The following ZC3H18 variants were observed in gnomAD, a reference collection of about 807,000 sequenced individuals.
ZC3H18 encodes the protein zinc finger CCCH domain-containing protein 18.
A neutral mutation model predicts 106.1 loss-of-function variants in ZC3H18; 8 were observed. The ratio of observed to expected loss-of-function variants is 0.08; its 90% CI spans 0.04 to 0.14. The LOEUF is 0.14. ZC3H18 is among the 10% of genes least tolerant of loss of function. ZC3H18 has a pLI of 1.00. For synonymous variants in ZC3H18, 635 were observed against 522.1 expected (o/e 1.22, Z -2.95); for missense variants, 1,318 against 1,278.4 (o/e 1.03, Z -0.47).
chr16:88,603,977 C>T (rs915025837), intron 6 of ZC3H18, among the ~76,000 whole-genome samples: 18 of 152,028 alleles, frequency 1.2e-4, no homozygotes, highest in African/African-American at 3.1e-4. Context: ...GCTAGACAGA[C>T]GCACTCTGAT....
At chr16:88,616,897 C>A (rs1905642663) in intron 8 of ZC3H18, among the ~76,000 whole-genome samples, 1 of 152,130 alleles carries the variant, frequency 6.6e-6, no homozygotes, top group African/African-American at 2.4e-5. Context: ...GAAGCGCAGT[C>A]ACTTTTGTTT....
At chr16:88,614,839 C>A (rs1004832649) in intron 8 of ZC3H18, among the ~76,000 whole-genome samples, 3 of 152,248 alleles carry the variant, frequency 2.0e-5, no homozygotes, top group African/African-American at 7.2e-5. Context: ...CCTAAGGCTG[C>A]CTTCTCCCCT....
intron 3 of ZC3H18, among the ~76,000 whole-genome samples, chr16:88,595,042 T>A (rs1044444926): frequency 6.6e-6 from 1 of 152,064 alleles, no homozygotes; most frequent in Admixed American, 6.5e-5. Flanking sequence ...TTCCAGCTAC[T>A]CGGGAGGCTG....
At chr16:88,587,770 G>A (rs1915521814) in intron 3 of ZC3H18, among the ~76,000 whole-genome samples, 1 of 152,178 alleles carries the variant, frequency 6.6e-6, no homozygotes, top group Non-Finnish European at 1.5e-5. Flanking sequence ...CTCCTTAGAG[G>A]CACGTGAGCC....
intron 2 of ZC3H18, 79 bp downstream of exon 2, chr16:88,577,805 C>T: frequency 6.2e-7 from 1 of 1,602,036 alleles, no homozygotes. Context: ...AGGAGGGACT[C>T]TGTGTGGGAC....
intron 2 of ZC3H18, among the ~76,000 whole-genome samples, chr16:88,583,787 G>T (rs1380546769): frequency 1.3e-5 from 2 of 152,168 alleles, no homozygotes; most frequent in East Asian, 3.8e-4. Flanking sequence ...GGTGGTGTGT[G>T]TTGAGAGCCC....
intron 2 of ZC3H18, among the ~76,000 whole-genome samples, chr16:88,584,005 T>C (rs771916271): frequency 1.3e-5 from 2 of 152,244 alleles, no homozygotes; most frequent in Admixed American, 6.5e-5. Context: ...CTGTCTTGAG[T>C]TGTCTTTGCA....
rs756336255 is a variant in ZC3H18 at position 88,577,267 on chromosome 16, G to T, written c.144G>T (p.Leu48=). The change falls in exon 2 of 18, where the codon CTG becomes CTT. Residue 48 remains leucine (L), a synonymous_variant. Transcript: ENST00000301011. ...LDGAGVRASD[L]EDEESAARGP... is the part of the protein sequence containing the mutation. The stretch of plus-strand genomic sequence containing the variant: ...GGGCGGGGGTGAGGGCTTCTGATCT[G>T]GAGGATGAGGAAAGTGCAGCCAGGG... The T allele has an allele frequency of 6.2e-7, 1 of 1,613,560 alleles. No individual in the cohort carries two copies. The highest frequency in any genetic ancestry group is 1.1e-5 in the South Asian group (1 of 90,986).
intron 8 of ZC3H18, among the ~76,000 whole-genome samples, chr16:88,617,717 G>A (rs1905710223): frequency 6.6e-6 from 1 of 152,174 alleles, no homozygotes; most frequent in Non-Finnish European, 1.5e-5. Context: ...GGAAGCACTC[G>A]CCCCCCAGCA....
intron 6 of ZC3H18, among the ~76,000 whole-genome samples, chr16:88,607,765 C>T (rs928576462): frequency 5.3e-5 from 8 of 151,086 alleles, no homozygotes; most frequent in Non-Finnish European, 1.0e-4. Flanking sequence ...TTCACACACA[C>T]TTCATGTCTC....
rs774433963 is a variant in ZC3H18 at position 88,577,551 on chromosome 16, A to C, written c.428A>C (p.Gln143Pro). 6.2e-7 allele frequency: 1 copy of C among 1,613,654 alleles called. No homozygotes were observed. Among genetic ancestry groups the C allele is most frequent in the Admixed American group, 1.7e-5 (1 of 60,002 alleles). ...CCTGAGGAGCCAGCTCCCGCCGTCCAGGAGGACGAGGCTGAGAAAGCGGGG... is the reference window on the plus strand; with the variant it reads ...CCTGAGGAGCCAGCTCCCGCCGTCCCGGAGGACGAGGCTGAGAAAGCGGGG... ...EVPEEPAPAV[Q>P]EDEAEKAGAE... Residue 143 changes from glutamine (Q) to proline (P), a missense_variant, in exon 2 of 18, where the codon CAG becomes CCG. Physicochemically the swap from Gln to Pro is moderately conservative, Grantham distance 76 (BLOSUM62 -1). Transcript: ENST00000301011.
chr16:88,624,924 CTG>C (rs1326985014), intron 12 of ZC3H18, among the ~76,000 whole-genome samples, 179 bp downstream of exon 12: 1 of 152,248 alleles, frequency 6.6e-6, no homozygotes, highest in Admixed American at 6.5e-5. Context: ...CTCCCTGAGC[CTG>C]TGTTTCTGGA....
intron 6 of ZC3H18, among the ~76,000 whole-genome samples, chr16:88,604,592 A>T (rs1904919354): frequency 1.3e-5 from 2 of 151,578 alleles, no homozygotes; most frequent in South Asian, 4.2e-4. Context: ...AGGCTGAGGC[A>T]GGAGAATGGC....
intron 8 of ZC3H18, among the ~76,000 whole-genome samples, chr16:88,621,529 T>TGTATTCTTA (rs1365897464): frequency 2.0e-5 from 3 of 152,118 alleles, no homozygotes; most frequent in Non-Finnish European, 4.4e-5. Context: ...GCCTAATTTT[T>TGTATTCTTA]GTATTCTTAG....
intron 3 of ZC3H18, among the ~76,000 whole-genome samples, 165 bp from the exon 4 acceptor site, chr16:88,598,013 C>T (rs1330904336): frequency 1.3e-5 from 2 of 152,230 alleles, no homozygotes; most frequent in African/African-American, 2.4e-5. Context: ...TCAGCCTCTC[C>T]AGGCTCATCC....
chr16:88,579,910 G>A (rs750624611), intron 2 of ZC3H18, among the ~76,000 whole-genome samples: 3 of 152,112 alleles, frequency 2.0e-5, no homozygotes, highest in Middle Eastern at 3.2e-3. Context: ...AGCAGAGCCC[G>A]CTCCTGCTGT....
At chr16:88,599,714 A>G in intron 5 of ZC3H18, 77 bp from the exon 6 acceptor site, 2 of 1,519,232 alleles carry the variant, frequency 1.3e-6, no homozygotes, top group South Asian at 1.3e-5. Flanking sequence ...GTCGGGTGGG[A>G]CGGCTCCCTT....
In ZC3H18 at chr16:88,577,840, A is replaced by T; in HGVS notation, c.603+114A>T. The T allele has an allele frequency of 5.1e-6, 8 of 1,565,728 alleles. No individual in the cohort carries two copies. The South Asian group carries it at 9.6e-5, about 19-fold the overall frequency. The stretch of plus-strand genomic sequence containing the variant: ...CTGACTTAGTGATTTGTTACTAGGG[A>T]TGGTGCAGGAGAATGAGAGGCTTGT... On this transcript the variant is annotated intron_variant, in intron 2 of 17. Transcript: ENST00000301011.
At chr16:88,579,497 G>T (rs960444574) in intron 2 of ZC3H18, among the ~76,000 whole-genome samples, 1 of 152,126 alleles carries the variant, frequency 6.6e-6, no homozygotes, top group Non-Finnish European at 1.5e-5. Context: ...GTCCTGAAAG[G>T]CCATGTCTGT....
Sources: gnomAD v4.1 joint callset for allele counts (sites outside exome capture counted in the v4.1 genomes callset) on GRCh38, gnomAD v4.1.1 for gene constraint, MANE v1.5 for transcripts, NCBI Gene and HGNC (gene_info 2026-07-23, HGNC 2026-07-21) for gene names.